The following RNF180 variants were observed in gnomAD, a reference collection of about 807,000 sequenced individuals.
RNF180 encodes E3 ubiquitin-protein ligase RNF180.
RNF180 carries 38 observed loss-of-function variants against 59.2 expected under a neutral mutation model. The ratio of observed to expected loss-of-function variants is 0.64; its 90% CI spans 0.50 to 0.84. The LOEUF (loss-of-function observed/expected upper bound fraction) is 0.84, where lower values mean the gene tolerates loss of function less well. RNF180 is among the 40% of genes least tolerant of loss of function. The pLI, the probability that RNF180 is intolerant of heterozygous loss-of-function variation, is 0.00. For missense variants in RNF180, 705 were observed against 700.9 expected (o/e 1.01, Z -0.07); for synonymous variants, 262 against 240.3 (o/e 1.09, Z -0.84).
chr5:64,239,963 G>A (rs939969710), intron 5 of RNF180, among the ~76,000 whole-genome samples: 2 of 151,964 alleles, frequency 1.3e-5, no homozygotes, highest in African/African-American at 4.8e-5. Flanking sequence ...CTATATACAG[G>A]TATTCCTCAC....
chr5:64,330,679 G>A (rs183052172), intron 7 of RNF180, among the ~76,000 whole-genome samples: 192 of 152,298 alleles, frequency 1.3e-3, no homozygotes, highest in African/African-American at 3.7e-3. Flanking sequence ...ATGAAAATAC[G>A]TCTCAAAAGT....
chr5:64,344,649 A>T (rs1011460925), intron 7 of RNF180, among the ~76,000 whole-genome samples: 4 of 152,020 alleles, frequency 2.6e-5, no homozygotes, highest in African/African-American at 9.7e-5. Flanking sequence ...AGTGCTTTGG[A>T]GTGGAATTGC....
chr5:64,298,018 C>T (rs942724673), intron 5 of RNF180, among the ~76,000 whole-genome samples: 9 of 151,682 alleles, frequency 5.9e-5, no homozygotes, highest in Non-Finnish European at 8.8e-5. Context: ...AGTCTAGTAC[C>T]CATTAGTTAT....
At chr5:64,272,811 G>A (rs1251230366) in intron 5 of RNF180, among the ~76,000 whole-genome samples, 1 of 151,938 alleles carries the variant, frequency 6.6e-6, no homozygotes, top group Non-Finnish European at 1.5e-5. Flanking sequence ...GGAGCTGGAT[G>A]AATTGAATTA....
At chr5:64,351,993 T>C (rs1385804160) in intron 7 of RNF180, among the ~76,000 whole-genome samples, 2 of 152,156 alleles carry the variant, frequency 1.3e-5, no homozygotes, top group Non-Finnish European at 2.9e-5. Context: ...CTCCTCCTTG[T>C]ACCTCTGGTA....
At chr5:64,224,368 A>G (rs1220686547) in intron 5 of RNF180, among the ~76,000 whole-genome samples, 8 of 152,142 alleles carry the variant, frequency 5.3e-5, no homozygotes, top group Non-Finnish European at 1.2e-4. Context: ...AACACCTAAT[A>G]TAGGCCCTGG....
intron 5 of RNF180, among the ~76,000 whole-genome samples, chr5:64,230,790 G>T (rs892478142): frequency 1.3e-5 from 2 of 152,156 alleles, no homozygotes; most frequent in Non-Finnish European, 2.9e-5. Context: ...CTATTTACAG[G>T]TCTTGACAGC....
intron 2 of RNF180, among the ~76,000 whole-genome samples, chr5:64,202,952 C>T (rs996373131): frequency 1.3e-5 from 2 of 152,190 alleles, no homozygotes; most frequent in African/African-American, 2.4e-5. Context: ...AGCCAGTGCT[C>T]ATAACCTCCA....
intron 5 of RNF180, among the ~76,000 whole-genome samples, chr5:64,280,081 T>C (rs1741932577): frequency 6.6e-6 from 1 of 152,236 alleles, no homozygotes; most frequent in African/African-American, 2.4e-5. Flanking sequence ...ATTAGTAATG[T>C]TGAACATTTT....
At chr5:64,364,334 TG>T (rs1336965780) in intron 7 of RNF180, among the ~76,000 whole-genome samples, 1 of 151,730 alleles carries the variant, frequency 6.6e-6, no homozygotes, top group Non-Finnish European at 1.5e-5. Flanking sequence ...ATTGAGATGA[TG>T]GTTATTGTCT....
chr5:64,166,723 A>T (rs982246701), intron 1 of RNF180, among the ~76,000 whole-genome samples: 31 of 152,280 alleles, frequency 2.0e-4, no homozygotes, highest in Middle Eastern at 3.4e-3. Context: ...GGTTACTATT[A>T]TCCCATTTTA....
intron 7 of RNF180, among the ~76,000 whole-genome samples, chr5:64,346,148 C>T (rs1745543813): frequency 6.6e-6 from 1 of 151,496 alleles, no homozygotes; most frequent in South Asian, 2.1e-4. Context: ...TTGGGCTTCC[C>T]AAAATAGAGC....
At chr5:64,267,638 T>C (rs1029471974) in intron 5 of RNF180, among the ~76,000 whole-genome samples, 1 of 152,120 alleles carries the variant, frequency 6.6e-6, no homozygotes, top group African/African-American at 2.4e-5. Context: ...TTACTGAGAA[T>C]GATGGTTTCC....
chr5:64,210,378 G>C (rs976841657), intron 2 of RNF180, among the ~76,000 whole-genome samples: 3 of 152,092 alleles, frequency 2.0e-5, no homozygotes, highest in African/African-American at 7.2e-5. Flanking sequence ...CAAACTCTCT[G>C]TAGAAATTGG....
chr5:64,280,097 A>G (rs571587896), intron 5 of RNF180, among the ~76,000 whole-genome samples: 35 of 152,108 alleles, frequency 2.3e-4, no homozygotes, highest in Non-Finnish European at 4.0e-4. Flanking sequence ...ATTTTTTTTC[A>G]TATGCTAGTT....
intron 5 of RNF180, among the ~76,000 whole-genome samples, chr5:64,321,963 A>G: frequency 6.6e-6 from 1 of 152,248 alleles, no homozygotes; most frequent in East Asian, 1.9e-4. Context: ...CCATATGCAG[A>G]AAACAAACTG....
At chr5:64,369,590 T>C (rs2112622626) in intron 7 of RNF180, 25 bp from the exon 8 acceptor site, 2 of 1,424,632 alleles carry the variant, frequency 1.4e-6, no homozygotes, top group East Asian at 5.2e-5. Flanking sequence ...TTTAATGGGC[T>C]TTAATATGTT....
chr5:64,265,555 C>T (rs897427000), intron 5 of RNF180, among the ~76,000 whole-genome samples: 28 of 152,134 alleles, frequency 1.8e-4, no homozygotes, highest in Admixed American at 2.0e-4. Context: ...GGTATTACTT[C>T]TGAGGCCTGT....
rs546115516 is a variant in RNF180, at chr5:64,214,146, A to T, written c.820A>T (p.Ser274Cys). The T allele has an allele frequency of 6.2e-7, 1 of 1,614,060 alleles. No homozygotes were observed. The highest frequency in any genetic ancestry group is 1.3e-5 in the African/African-American group (1 of 74,942). ...CCTTTCAGGCTTGCCTTTACAATCT[A>T]GTAAAAATAGCTATTCCTTTCAGAA... ...IDLSGLPLQS[S>C]KNSYSFQNPS... Residue 274 changes from serine (S) to cysteine (C), a missense_variant, in exon 4 of 8, where the codon AGT becomes TGT. Transcript: ENST00000389100.
Sources: gnomAD v4.1 joint callset for allele counts (sites outside exome capture counted in the v4.1 genomes callset) on GRCh38, gnomAD v4.1.1 for gene constraint, MANE v1.5 for transcripts, NCBI Gene and HGNC (gene_info 2026-07-23, HGNC 2026-07-21) for gene names.